The following NRG3 variants were observed in gnomAD, a reference collection of about 807,000 sequenced individuals.
The protein encoded by NRG3 is neuregulin 3.
A neutral mutation model predicts 66.9 loss-of-function variants in NRG3; 31 were observed. That is an observed-to-expected ratio of 0.46 (90% CI 0.35 to 0.63). The LOEUF (loss-of-function observed/expected upper bound fraction) is 0.63, where lower values mean the gene tolerates loss of function less well. Among genes scored for constraint, NRG3 ranks in the 20% least tolerant of loss-of-function variants. NRG3 has a pLI of 0.00. For missense variants in NRG3, 910 were observed against 878.9 expected (o/e 1.04, Z -0.45); for synonymous variants, 393 against 359.4 (o/e 1.09, Z -1.06).
intron 6 of NRG3, among the ~76,000 whole-genome samples, chr10:82,960,998 G>A (rs763271664): frequency 1.1e-4 from 16 of 152,108 alleles, no homozygotes; most frequent in East Asian, 7.7e-4. Flanking sequence ...TCACACAGAC[G>A]CAAGTGAAAG....
At chr10:82,654,027 C>G (rs903763270) in intron 2 of NRG3, among the ~76,000 whole-genome samples, 5 of 152,108 alleles carry the variant, frequency 3.3e-5, no homozygotes, top group African/African-American at 7.2e-5. Context: ...CTGCACAGAG[C>G]AGTTAGACAA....
At chr10:82,900,725 A>C (rs1844138284) in intron 4 of NRG3, among the ~76,000 whole-genome samples, 1 of 152,216 alleles carries the variant, frequency 6.6e-6, no homozygotes, top group South Asian at 2.1e-4. Context: ...ACCCAGACAC[A>C]CTATACAATT....
intron 1 of NRG3, among the ~76,000 whole-genome samples, chr10:82,302,460 A>T (rs966467629): frequency 6.6e-6 from 1 of 152,166 alleles, no homozygotes; most frequent in Non-Finnish European, 1.5e-5. Context: ...TATACTTTGT[A>T]TAAACTATAT....
In NRG3 at chr10:82,093,828, G is replaced by A. The variant is rs114092359; in HGVS notation, c.823+217665G>A. On this transcript the variant is annotated intron_variant, in intron 1 of 8. Transcript: ENST00000372141. Reference sequence around the variant, plus strand: ...AGAACCTGTCAGGGGAGATAATTTGGGAGTGGAGAACCAATATTTTTGGCA... The same window carrying A: ...AGAACCTGTCAGGGGAGATAATTTGAGAGTGGAGAACCAATATTTTTGGCA... Among the ~76,000 whole-genome samples, 656 of 152,226 alleles carry A rather than the reference G, an allele frequency of 4.3e-3. 5 individuals are homozygous for A. Among genetic ancestry groups the A allele is most frequent in the African/African-American group, 0.015 (607 of 41,558 alleles).
At chr10:82,606,886 TTTC>T (rs1386590802) in intron 2 of NRG3, among the ~76,000 whole-genome samples, 28 of 152,172 alleles carry the variant, frequency 1.8e-4, no homozygotes, top group Non-Finnish European at 1.2e-4. Flanking sequence ...CAAAACGTTG[TTTC>T]TTCATCTCCC....
chr10:82,261,266 C>T (rs114016944), intron 1 of NRG3, among the ~76,000 whole-genome samples: 6 of 152,226 alleles, frequency 3.9e-5, no homozygotes, highest in South Asian at 2.1e-4. Flanking sequence ...GGGCGCCACC[C>T]GCTTCACTCA....
At chr10:82,573,079 A>T (rs1052859847) in intron 2 of NRG3, among the ~76,000 whole-genome samples, 2 of 151,810 alleles carry the variant, frequency 1.3e-5, no homozygotes, top group African/African-American at 4.8e-5. Context: ...ATGGCAATGG[A>T]AGGATATGTG....
intron 2 of NRG3, among the ~76,000 whole-genome samples, chr10:82,530,993 A>C (rs1847193747): frequency 6.6e-6 from 1 of 151,866 alleles, no homozygotes; most frequent in Non-Finnish European, 1.5e-5. Context: ...CTGTAAATTG[A>C]AGTAAAAATG....
At chr10:82,960,309 C>T (rs543205520) in intron 6 of NRG3, among the ~76,000 whole-genome samples, 47 of 152,268 alleles carry the variant, frequency 3.1e-4, no homozygotes, top group African/African-American at 1.0e-3. Flanking sequence ...CACTCTAAAA[C>T]AACCACAGTG....
chr10:82,810,387 T>G (rs554573736), intron 3 of NRG3, among the ~76,000 whole-genome samples: 42 of 152,202 alleles, frequency 2.8e-4, no homozygotes, highest in Non-Finnish European at 5.3e-4. Flanking sequence ...TGAAGAGTTT[T>G]AGGCTGAGAT....
intron 1 of NRG3, among the ~76,000 whole-genome samples, chr10:82,021,643 T>C (rs2062064424): frequency 6.6e-6 from 1 of 152,098 alleles, no homozygotes; most frequent in South Asian, 2.1e-4. Context: ...ACTTGTGGGA[T>C]CCTCAAGAAT....
chr10:82,034,516 T>C (rs2062708534), intron 1 of NRG3, among the ~76,000 whole-genome samples: 1 of 152,122 alleles, frequency 6.6e-6, no homozygotes, highest in Admixed American at 6.6e-5. Context: ...TTAATTTCTT[T>C]CTATTTCATT....
intron 1 of NRG3, among the ~76,000 whole-genome samples, chr10:81,950,179 C>A (rs531400079): frequency 1.1e-4 from 17 of 152,276 alleles, no homozygotes; most frequent in African/African-American, 3.6e-4. Flanking sequence ...TGAGATTTGA[C>A]TTTTCTACTT....
intron 3 of NRG3, among the ~76,000 whole-genome samples, chr10:82,788,675 G>A (rs2060467628): frequency 6.6e-6 from 1 of 151,912 alleles, no homozygotes; most frequent in South Asian, 2.1e-4. Flanking sequence ...TTTGAATCAG[G>A]AACTTAAAAA....
rs574002930 is a variant in NRG3 at position 82,171,911 on chromosome 10, G to A, written c.824-186828G>A. Among the ~76,000 whole-genome samples, 4 of 152,136 alleles carry A rather than the reference G, an allele frequency of 2.6e-5. No homozygotes were observed. The South Asian group carries it at 8.3e-4, about 32-fold the overall frequency. On this transcript the variant is annotated intron_variant, in intron 1 of 8. Transcript: ENST00000372141. Reference sequence around the variant, plus strand: ...TTAGTAGCCACACCTGGTTGTAAGAGGTGATAAGGAATGACATTTTTATCA... The same window carrying A: ...TTAGTAGCCACACCTGGTTGTAAGAAGTGATAAGGAATGACATTTTTATCA...
chr10:82,761,013 A>G (rs1238037025), intron 3 of NRG3, among the ~76,000 whole-genome samples: 1 of 151,920 alleles, frequency 6.6e-6, no homozygotes, highest in Non-Finnish European at 1.5e-5. Context: ...AATAAATAGC[A>G]CTGAGGAAAT....
chr10:82,761,116 G>C lies in NRG3; in HGVS notation c.1027+22466G>C, dbSNP rs954765852. Among the ~76,000 whole-genome samples the C allele has an allele frequency of 1.6e-4, 24 of 151,726 alleles. 1 individual carries two copies. Among genetic ancestry groups the C allele is most frequent in the Admixed American group, 6.6e-5 (1 of 15,230 alleles). On this transcript the variant is annotated intron_variant, in intron 3 of 8. Coordinates refer to ENST00000372141, the MANE Select transcript of NRG3 (RefSeq NM_001010848.4). ...ATTATAAAAAAAACTCTAAAACTTT[G>C]AGAAGAAAATATAGAATATTTTATG...
chr10:82,460,377 G>T (rs2091457866), intron 2 of NRG3, among the ~76,000 whole-genome samples: 1 of 152,154 alleles, frequency 6.6e-6, no homozygotes, highest in South Asian at 2.1e-4. Context: ...TTGTAGTTAT[G>T]ACTTACAAAT....
chr10:82,590,942 T>A (rs1225126323), intron 2 of NRG3, among the ~76,000 whole-genome samples: 2 of 152,210 alleles, frequency 1.3e-5, no homozygotes, highest in African/African-American at 2.4e-5. Context: ...CAGACCAAGA[T>A]GAATGAGTCA....
Sources: allele counts gnomAD v4.1 joint callset (sites outside exome capture counted in the v4.1 genomes callset), GRCh38; gene constraint gnomAD v4.1.1; transcripts MANE v1.5; gene names NCBI Gene and HGNC (gene_info 2026-07-23, HGNC 2026-07-21).